ADAM22: variants seen among roughly 807,000 people sequenced by gnomAD.
ADAM22 encodes ADAM metallopeptidase domain 22.
Under a neutral mutation model 144.6 loss-of-function variants are expected in ADAM22, and 65 were observed. The observed-to-expected ratio is 0.45, with a 90% CI of 0.37 to 0.55. ADAM22 has a LOEUF of 0.55. Ranked by LOEUF, ADAM22 falls within the 20% of genes least tolerant of loss-of-function variation. ADAM22 has a pLI of 0.00. For missense variants in ADAM22, 974 were observed against 1,184.9 expected (o/e 0.82, Z 2.61); for synonymous variants, 391 against 412.6 (o/e 0.95, Z 0.63).
intron 2 of ADAM22, among the ~76,000 whole-genome samples, chr7:87,944,814 GTGTTTTTTTTTTTTT>G (rs930177623): frequency 1.3e-4 from 16 of 122,374 alleles, no homozygotes; most frequent in African/African-American, 3.9e-4. Context: ...AGGGAAACTT[GTGTTTTTTTTTTTTT>G]TGTTTTTTTT....
chr7:88,128,208 G>C (rs1014787544), intron 8 of ADAM22, among the ~76,000 whole-genome samples: 3 of 152,054 alleles, frequency 2.0e-5, no homozygotes, highest in Non-Finnish European at 4.4e-5. Flanking sequence ...AAGATAGACT[G>C]TTAAATGAAA....
At chr7:87,938,275 A>G (rs574537130) in intron 2 of ADAM22, among the ~76,000 whole-genome samples, 84 of 129,222 alleles carry the variant, frequency 6.5e-4, no homozygotes, top group African/African-American at 2.6e-3. Context: ...CTGGAGTGCA[A>G]TGGCGTGATC....
chr7:87,982,670 C>CATATATATATATCTATATATATAT (rs1853859418), intron 3 of ADAM22, among the ~76,000 whole-genome samples: 1 of 38,114 alleles, frequency 2.6e-5, no homozygotes, highest in African/African-American at 9.8e-5. Context: ...TCAGTTATTA[C>CATATATATATATCTATATATATAT]ATATATATAT....
intron 2 of ADAM22, among the ~76,000 whole-genome samples, chr7:87,956,488 A>T (rs1161945112): frequency 6.6e-6 from 1 of 152,220 alleles, no homozygotes; most frequent in Non-Finnish European, 1.5e-5. Context: ...AACCCATTTA[A>T]AAATGGTATA....
At position 87,993,106 on chromosome 7, in the gene ADAM22, C is replaced by A. The variant is rs7780979; in HGVS notation, c.323+14694C>A. The stretch of plus-strand genomic sequence containing the variant: ...TATGGGGTGGATATTGGAGAGATAG[C>A]TAGAGGGTCTGCCAAAGAGAATTTT... On this transcript the variant is annotated intron_variant, in intron 3 of 31. Coordinates refer to ENST00000413139, the MANE Select transcript of ADAM22 (RefSeq NM_001324418.2). Among the ~76,000 whole-genome samples the A allele has an allele frequency of 4.4e-3, 675 of 152,246 alleles. 2 individuals carry two copies. The highest frequency in any genetic ancestry group is 0.015 in the African/African-American group (638 of 41,538).
intron 3 of ADAM22, among the ~76,000 whole-genome samples, chr7:88,040,625 G>A (rs921307023): frequency 3.3e-5 from 5 of 151,680 alleles, no homozygotes; most frequent in Non-Finnish European, 7.4e-5. Context: ...TTCTATTGCT[G>A]TGTAACAAAT....
At chr7:88,135,616 A>G (rs1832833615) in intron 13 of ADAM22, among the ~76,000 whole-genome samples, 1 of 152,222 alleles carries the variant, frequency 6.6e-6, no homozygotes, top group Non-Finnish European at 1.5e-5. Flanking sequence ...TCAAGAAATT[A>G]TAATAGTTCT....
intron 14 of ADAM22, among the ~76,000 whole-genome samples, 190 bp downstream of exon 14, chr7:88,136,221 C>A (rs1323748579): frequency 1.3e-5 from 2 of 151,432 alleles, no homozygotes; most frequent in Non-Finnish European, 3.0e-5. Flanking sequence ...ATTTTTTTTT[C>A]TTTAGCCTTA....
intron 5 of ADAM22, among the ~76,000 whole-genome samples, chr7:88,108,912 C>A (rs185693949): frequency 3.9e-5 from 6 of 152,178 alleles, no homozygotes; most frequent in Admixed American, 3.9e-4. Flanking sequence ...CACAATGATA[C>A]CTTAAAATGA....
At chr7:88,108,124 A>G in intron 4 of ADAM22, 52 bp from the exon 5 acceptor site, 1 of 1,471,190 alleles carries the variant, frequency 6.8e-7, no homozygotes. Context: ...GAAATGAAGC[A>G]GCTGATTCTC....
At position 87,948,202 on chromosome 7, in the gene ADAM22, CTT is replaced by C. The variant is rs1346756498; in HGVS notation, c.246+13018_246+13019del. 7.2e-5 allele frequency among the ~76,000 whole-genome samples: 11 copies of C among 152,224 alleles called. No individual in the cohort carries two copies. The South Asian group carries it at 2.1e-3, about 29-fold the overall frequency. On this transcript the variant is annotated intron_variant, in intron 2 of 31. Transcript: ENST00000413139. The stretch of plus-strand genomic sequence containing the variant: ...CCCACTCTATTTCTGCCAAGCGTCT[CTT>C]TCTCTATGCAACTAAAGTAAAAACA...
At chr7:88,002,456 T>C (rs968599877) in intron 3 of ADAM22, among the ~76,000 whole-genome samples, 4 of 152,080 alleles carry the variant, frequency 2.6e-5, no homozygotes, top group African/African-American at 9.7e-5. Context: ...GTGAGCTGAA[T>C]GTGAGGGAGG....
At chr7:88,008,093 A>G (rs1303211767) in intron 3 of ADAM22, among the ~76,000 whole-genome samples, 24 of 152,212 alleles carry the variant, frequency 1.6e-4, no homozygotes, top group South Asian at 2.1e-4. Flanking sequence ...GGCAAAGGAC[A>G]TGGACAGACA....
intron 20 of ADAM22, among the ~76,000 whole-genome samples, chr7:88,152,734 A>G (rs1838798468): frequency 6.6e-6 from 1 of 151,898 alleles, no homozygotes; most frequent in South Asian, 2.1e-4. Flanking sequence ...GCTGGAGTGC[A>G]GTGATGTGAT....
intron 20 of ADAM22, among the ~76,000 whole-genome samples, chr7:88,151,652 C>T (rs1838428299): frequency 6.6e-6 from 1 of 152,096 alleles, no homozygotes; most frequent in Non-Finnish European, 1.5e-5. Flanking sequence ...AGCTGAGTGC[C>T]CTGAAGCTAA....
intron 4 of ADAM22, among the ~76,000 whole-genome samples, chr7:88,097,620 TA>T (rs55678558): frequency 0.49 from 68,922 of 141,252 alleles, 17,014 homozygotes; most frequent in East Asian, 0.87. Flanking sequence ...TGTGTTTCCT[TA>T]AAAAAAAAAA....
chr7:88,056,675 A>G (rs139155379), intron 3 of ADAM22, among the ~76,000 whole-genome samples: 340 of 152,264 alleles, frequency 2.2e-3, no homozygotes, highest in African/African-American at 8.1e-3. Context: ...CTCCTTTTCC[A>G]TCTTATCTTC....
intron 3 of ADAM22, among the ~76,000 whole-genome samples, chr7:88,038,188 G>A (rs1393262326): frequency 6.6e-6 from 1 of 152,150 alleles, no homozygotes; most frequent in Non-Finnish European, 1.5e-5. Flanking sequence ...TATTCTATGG[G>A]AGAGAATGTA....
At chr7:88,051,062 G>C (rs1806196629) in intron 3 of ADAM22, among the ~76,000 whole-genome samples, 1 of 152,194 alleles carries the variant, frequency 6.6e-6, no homozygotes, top group African/African-American at 2.4e-5. Context: ...ACAGGTGATG[G>C]AGAGGATGTG....
Sources: gnomAD v4.1 joint callset for allele counts (sites outside exome capture counted in the v4.1 genomes callset) on GRCh38, gnomAD v4.1.1 for gene constraint, MANE v1.5 for transcripts, NCBI Gene and HGNC (gene_info 2026-07-23, HGNC 2026-07-21) for gene names.